Variants in SCAPER observed in about 807,000 individuals in gnomAD.
SCAPER encodes the protein S-phase cyclin A associated protein in the ER.
In SCAPER, 98 loss-of-function variants were observed where a neutral mutation model predicts 182.2. The observed-to-expected ratio is 0.54, with a 90% CI of 0.46 to 0.64. SCAPER has a LOEUF of 0.64. SCAPER is among the 30% of genes least tolerant of loss of function. The probability of loss-of-function intolerance (pLI) is 0.00; values close to 1 mark genes in which losing one functional copy is unlikely to be tolerated. For missense variants in SCAPER, 1,432 were observed against 1,690.0 expected (o/e 0.85, Z 2.68); for synonymous variants, 605 against 564.6 (o/e 1.07, Z -1.01).
intron 23 of SCAPER, among the ~76,000 whole-genome samples, chr15:76,540,413 C>G (rs1342195819): frequency 6.6e-6 from 1 of 151,946 alleles, no homozygotes; most frequent in South Asian, 2.1e-4. Context: ...AAAAAATTTT[C>G]TTTTAAAAAT....
chr15:76,688,401 T>G (rs1191832579), intron 20 of SCAPER, among the ~76,000 whole-genome samples: 1 of 152,214 alleles, frequency 6.6e-6, no homozygotes, highest in South Asian at 2.1e-4. Context: ...TTTACTCTGA[T>G]GGTAGTTTCT....
At chr15:76,741,140 T>C (rs2061516976) in intron 15 of SCAPER, among the ~76,000 whole-genome samples, 1 of 152,122 alleles carries the variant, frequency 6.6e-6, no homozygotes, top group South Asian at 2.1e-4. Context: ...AAAATAAAGA[T>C]TAATACATCT....
chr15:76,546,272 T>G (rs915746161), intron 23 of SCAPER, among the ~76,000 whole-genome samples: 1 of 152,074 alleles, frequency 6.6e-6, no homozygotes, highest in Non-Finnish European at 1.5e-5. Flanking sequence ...CTTTTTAAAT[T>G]AAAAATATTA....
rs150599675 is a variant in SCAPER, at chr15:76,898,188, T to C, written c.-60+7111A>G. ...TCACTAGTCATTAGGGAAATACATATCAAAGCCACAATGAGACATAACTTC... is the reference window on the plus strand; with the variant it reads ...TCACTAGTCATTAGGGAAATACATACCAAAGCCACAATGAGACATAACTTC... On this transcript the variant is annotated intron_variant, in intron 1 of 31. Transcript: ENST00000563290. Among the ~76,000 whole-genome samples the C allele has an allele frequency of 3.7e-3, 566 of 152,110 alleles. 7 individuals carry two copies. Among genetic ancestry groups the C allele is most frequent in the African/African-American group, 0.013 (552 of 41,462 alleles).
At chr15:76,770,626 AAAT>A (rs906199228) in intron 10 of SCAPER, among the ~76,000 whole-genome samples, 9 of 152,212 alleles carry the variant, frequency 5.9e-5, no homozygotes, top group African/African-American at 1.7e-4. Flanking sequence ...ATGAAAATAA[AAAT>A]AATGAGGTCA....
rs61570596 is a variant in SCAPER at position 76,608,492 on chromosome 15, C to T, written c.2711+13272G>A. Among the ~76,000 whole-genome samples, 551 of 152,288 alleles carry T rather than the reference C, an allele frequency of 3.6e-3. 1 individual carries two copies. Among genetic ancestry groups the T allele is most frequent in the African/African-American group, 9.6e-3 (398 of 41,556 alleles). Reference sequence around the variant, plus strand: ...GACCCACTTGAGGAGGCAGTCTGCCCGTTCTCAGATCTCAAGTTGCGTGCT... The same window carrying T: ...GACCCACTTGAGGAGGCAGTCTGCCTGTTCTCAGATCTCAAGTTGCGTGCT... On this transcript the variant is annotated intron_variant, in intron 22 of 31. Coordinates refer to ENST00000563290, the MANE Select transcript of SCAPER (RefSeq NM_020843.4).
intron 20 of SCAPER, among the ~76,000 whole-genome samples, chr15:76,690,108 T>C (rs1186892548): frequency 1.3e-5 from 2 of 151,888 alleles, no homozygotes; most frequent in African/African-American, 4.8e-5. Flanking sequence ...AAAAAAATAG[T>C]CACTTCACAG....
At chr15:76,831,215 G>C (rs1311261365) in intron 5 of SCAPER, among the ~76,000 whole-genome samples, 1 of 152,168 alleles carries the variant, frequency 6.6e-6, no homozygotes, top group Non-Finnish European at 1.5e-5. Flanking sequence ...TTAGCTGCCA[G>C]ACCAGGAGAG....
chr15:76,832,350 A>G (rs536511637), intron 5 of SCAPER, among the ~76,000 whole-genome samples: 2 of 152,272 alleles, frequency 1.3e-5, no homozygotes, highest in Non-Finnish European at 2.9e-5. Flanking sequence ...GGAAGAATTA[A>G]TAAGAGAATA....
chr15:76,459,319 T>C (rs2142938159), intron 25 of SCAPER, among the ~76,000 whole-genome samples: 1 of 152,324 alleles, frequency 6.6e-6, no homozygotes, highest in Non-Finnish European at 1.5e-5. Flanking sequence ...CAGGATGTCA[T>C]TCTTTTCTAT....
intron 29 of SCAPER, among the ~76,000 whole-genome samples, chr15:76,366,106 C>T (rs1396427181): frequency 1.3e-5 from 2 of 151,888 alleles, no homozygotes; most frequent in African/African-American, 2.4e-5. Flanking sequence ...CACACACACA[C>T]ACACACACAC....
intron 22 of SCAPER, among the ~76,000 whole-genome samples, chr15:76,611,458 C>G (rs922004902): frequency 4.6e-5 from 7 of 151,996 alleles, no homozygotes; most frequent in Admixed American, 3.3e-4. Context: ...CAAAAAAAAG[C>G]CCAGGACCAG....
intron 26 of SCAPER, among the ~76,000 whole-genome samples, chr15:76,432,376 G>A (rs1177033612): frequency 6.6e-6 from 1 of 152,258 alleles, no homozygotes; most frequent in African/African-American, 2.4e-5. Context: ...GAAGGGGTAA[G>A]TGAACAAAGT....
intron 2 of SCAPER, among the ~76,000 whole-genome samples, chr15:76,879,680 G>A (rs1031503424): frequency 2.0e-5 from 3 of 152,012 alleles, no homozygotes; most frequent in Non-Finnish European, 4.4e-5. Flanking sequence ...AACTCTACTT[G>A]CTACTGAAAG....
At chr15:76,829,218 T>C (rs1469168048) in intron 5 of SCAPER, among the ~76,000 whole-genome samples, 2 of 152,118 alleles carry the variant, frequency 1.3e-5, no homozygotes, top group African/African-American at 4.8e-5. Flanking sequence ...AAACCAAATA[T>C]TTTATGTTCT....
At chr15:76,793,460 A>C in intron 8 of SCAPER, 1 of 535,348 alleles carries the variant, frequency 1.9e-6, no homozygotes, top group Non-Finnish European at 3.3e-6. Context: ...TCAGGGAGGG[A>C]GAAAGGAAAG....
Position 76,764,942 on chromosome 15 carries a change from CT to C in SCAPER, c.1725+18del. The C allele has an allele frequency of 6.7e-7, 1 of 1,483,354 alleles. No homozygotes were observed. Among genetic ancestry groups the C allele is most frequent in the Non-Finnish European group, 9.2e-7 (1 of 1,089,728 alleles). The allele number at this position is 1,483,354 out of a possible 1,614,324, so 91.9% of individuals were successfully genotyped here. ...AGCAACTTCAGACTATCATAATTTC[CT>C]AAAAAATAAAAACTCACCCTTTCTA... On this transcript the variant is annotated intron_variant, in intron 14 of 31. Coordinates refer to ENST00000563290, the MANE Select transcript of SCAPER (RefSeq NM_020843.4).
chr15:76,883,974 A>G (rs1426989880), intron 1 of SCAPER, 98 bp from the exon 2 acceptor site: 1 of 610,920 alleles, frequency 1.6e-6, no homozygotes, highest in Middle Eastern at 4.4e-4. Context: ...CTTACATTAA[A>G]CAACAACAAA....
intron 26 of SCAPER, among the ~76,000 whole-genome samples, chr15:76,405,507 GC>G (rs954829599): frequency 1.3e-5 from 2 of 152,068 alleles, no homozygotes; most frequent in Non-Finnish European, 1.5e-5. Context: ...GAATCTAATT[GC>G]TTTTACTGAA....
Sources: gnomAD v4.1 joint callset for allele counts (sites outside exome capture counted in the v4.1 genomes callset) on GRCh38, gnomAD v4.1.1 for gene constraint, MANE v1.5 for transcripts, NCBI Gene and HGNC (gene_info 2026-07-23, HGNC 2026-07-21) for gene names.